Variants in KLF12 observed in about 807,000 individuals in gnomAD.
The protein encoded by KLF12 is KLF transcription factor 12, also known as Krueppel-like factor 12.
Under a neutral mutation model 37.8 loss-of-function variants are expected in KLF12, and 9 were observed. That is an observed-to-expected ratio of 0.24 (90% confidence interval 0.14 to 0.42). KLF12 has a LOEUF of 0.42. Among genes scored for constraint, KLF12 ranks in the 10% least tolerant of loss-of-function variants. The pLI, the probability that KLF12 is intolerant of heterozygous loss-of-function variation, is 1.00. For synonymous variants in KLF12, 208 were observed against 202.1 expected, an observed-to-expected ratio of 1.03 and a Z score of -0.25; for missense variants, 411 against 516.0, an observed-to-expected ratio of 0.80 and a Z score of 1.97.
intron 4 of KLF12, among the ~76,000 whole-genome samples, chr13:73,830,285 AT>A (rs1884084360): frequency 1.1e-5 from 1 of 92,536 alleles, no homozygotes; most frequent in Non-Finnish European, 2.5e-5. Context: ...CCTATGACAT[AT>A]CATGATACCA....
chr13:73,747,204 G>C (rs1442937199), intron 6 of KLF12, among the ~76,000 whole-genome samples: 1 of 152,130 alleles, frequency 6.6e-6, no homozygotes, highest in Non-Finnish European at 1.5e-5. Context: ...TAGTCTAAGA[G>C]AGGCACACAT....
the KLF12 span, among the ~76,000 whole-genome samples, chr13:74,204,617 G>T: frequency 6.6e-6 from 1 of 152,110 alleles, no homozygotes; most frequent in Non-Finnish European, 1.5e-5. Context: ...ATTTATTGCA[G>T]TTTTGAGAGA....
At chr13:73,994,426 G>C (rs888619516) in intron 2 of KLF12, among the ~76,000 whole-genome samples, 48 of 151,646 alleles carry the variant, frequency 3.2e-4, no homozygotes. Flanking sequence ...CCACAAATAA[G>C]GTAATACCCA....
At chr13:73,877,424 T>C (rs1381573146) in intron 3 of KLF12, among the ~76,000 whole-genome samples, 1 of 152,230 alleles carries the variant, frequency 6.6e-6, no homozygotes, top group Admixed American at 6.5e-5. Context: ...CTGAATGCTT[T>C]AGAATTTCCT....
intron 1 of KLF12, among the ~76,000 whole-genome samples, chr13:73,996,235 G>C (rs1174365389): frequency 6.6e-6 from 1 of 152,146 alleles, no homozygotes; most frequent in African/African-American, 2.4e-5. Context: ...TACTAAAAAG[G>C]GAATCCAACA....
At chr13:74,192,437 T>C in the KLF12 span, among the ~76,000 whole-genome samples, 2 of 152,174 alleles carry the variant, frequency 1.3e-5, no homozygotes, top group Admixed American at 6.5e-5. Context: ...TTTCCTGAGA[T>C]TTACAAATAC....
the KLF12 span, among the ~76,000 whole-genome samples, chr13:74,209,752 G>T: frequency 6.6e-6 from 1 of 152,160 alleles, no homozygotes; most frequent in Admixed American, 6.5e-5. Flanking sequence ...CATCATATAT[G>T]TGAAGTGCCT....
intron 1 of KLF12, among the ~76,000 whole-genome samples, chr13:74,121,836 T>C (rs984650729): frequency 1.3e-5 from 2 of 151,890 alleles, no homozygotes; most frequent in African/African-American, 4.8e-5. Context: ...TATGAAAACA[T>C]TACATGACAA....
chr13:73,693,793 G>GCAACAACAA lies in KLF12; in HGVS notation c.*1688_*1696dup, dbSNP rs375363937. The GCAACAACAA allele has an allele frequency of 1.3e-5, 2 of 152,466 alleles. No individual in the cohort carries two copies. The highest frequency in any genetic ancestry group is 2.9e-5 in the Non-Finnish European group (2 of 68,014). The allele number at this position is 152,466 out of a possible 1,614,324, so 9.4% of individuals were successfully genotyped here. Reference sequence around the variant, plus strand: ...TATATCTAAGCTATAAAAAATTCTAGCAACAACAACAATAACAACAAAAAA... The same window carrying GCAACAACAA: ...TATATCTAAGCTATAAAAAATTCTAGCAACAACAACAACAACAACAATAACAACAAAAAA... On this transcript the variant is annotated 3_prime_UTR_variant, in exon 8 of 8. Coordinates refer to ENST00000377669, the MANE Select transcript of KLF12 (RefSeq NM_007249.5).
the KLF12 span, among the ~76,000 whole-genome samples, chr13:74,244,880 G>A: frequency 6.6e-6 from 1 of 152,182 alleles, no homozygotes. Flanking sequence ...AAATTGAGAA[G>A]CACTTTTTGG....
Position 73,813,095 on chromosome 13 carries a change from C to A in KLF12, c.806+57G>T, listed in dbSNP as rs973381246. The A allele has an allele frequency of 1.8e-5, 28 of 1,580,238 alleles. No homozygotes were observed. The African/African-American group carries it at 3.6e-4, about 21-fold the overall frequency. ...GGGGGACAGGAGATGCTGCAGTTTC[C>A]ATTATCCATTGAACACCTTGGCAAT... On this transcript the variant is annotated intron_variant, in intron 5 of 7. Transcript: ENST00000377669.
Position 73,994,734 on chromosome 13 carries a change from G to C in KLF12, c.33+256C>G, listed in dbSNP as rs1005692918. Among the ~76,000 whole-genome samples, 59 of 152,052 alleles carry C rather than the reference G, an allele frequency of 3.9e-4. 1 individual carries two copies. The highest frequency in any genetic ancestry group is 3.8e-3 in the Admixed American group (58 of 15,248). ...ATTTTTTAATATTCATCTGAAAGTT[G>C]ATTCTTAAAATACCAGCTTAAGTTC... On this transcript the variant is annotated intron_variant, in intron 2 of 7. Coordinates refer to ENST00000377669, the MANE Select transcript of KLF12 (RefSeq NM_007249.5).
At chr13:74,119,645 C>G (rs1255515602) in intron 1 of KLF12, among the ~76,000 whole-genome samples, 1 of 152,022 alleles carries the variant, frequency 6.6e-6, no homozygotes, top group Non-Finnish European at 1.5e-5. Flanking sequence ...CAGATCAATA[C>G]AAATTATTCA....
intron 3 of KLF12, among the ~76,000 whole-genome samples, chr13:73,872,818 AT>A (rs1442800481): frequency 1.3e-5 from 2 of 152,174 alleles, no homozygotes; most frequent in Non-Finnish European, 2.9e-5. Context: ...TGTCTGACAT[AT>A]TTTAAGAATA....
At chr13:74,261,315 A>G in the KLF12 span, among the ~76,000 whole-genome samples, 10 of 152,196 alleles carry the variant, frequency 6.6e-5, no homozygotes, top group Non-Finnish European at 1.3e-4. Context: ...TTATCTTCAC[A>G]TCTATATATT....
chr13:73,717,449 T>A (rs1875899921), intron 6 of KLF12, among the ~76,000 whole-genome samples: 1 of 152,220 alleles, frequency 6.6e-6, no homozygotes, highest in Non-Finnish European at 1.5e-5. Context: ...TATAGACTAC[T>A]TGTAATTTGC....
At chr13:73,921,356 A>G (rs1319352639) in intron 3 of KLF12, among the ~76,000 whole-genome samples, 2 of 152,180 alleles carry the variant, frequency 1.3e-5, no homozygotes, top group Non-Finnish European at 2.9e-5. Flanking sequence ...TTTCACCCTT[A>G]CACTCCCATT....
chr13:73,715,559 A>G (rs776641405), intron 6 of KLF12, 34 bp from the exon 7 acceptor site: 1 of 1,602,594 alleles, frequency 6.2e-7, no homozygotes, highest in Non-Finnish European at 8.5e-7. Flanking sequence ...ACACGGTGAG[A>G]TGCACACCGC....
chr13:73,975,381 C>G (rs1891483869), intron 2 of KLF12, among the ~76,000 whole-genome samples: 1 of 152,166 alleles, frequency 6.6e-6, no homozygotes, highest in Non-Finnish European at 1.5e-5. Context: ...TTACTTCCTT[C>G]TTATGTTCAA....
Sources: gnomAD v4.1 joint callset for allele counts (sites outside exome capture counted in the v4.1 genomes callset) on GRCh38, gnomAD v4.1.1 for gene constraint, MANE v1.5 for transcripts, NCBI Gene and HGNC (gene_info 2026-07-23, HGNC 2026-07-21) for gene names.